TMEM45B: variants seen among roughly 807,000 people sequenced by gnomAD.
TMEM45B encodes transmembrane protein 45B.
Under a neutral mutation model 27.3 loss-of-function variants are expected in TMEM45B, and 29 were observed. The observed-to-expected ratio is 1.06, with a 90% CI of 0.79 to 1.45. The LOEUF (loss-of-function observed/expected upper bound fraction) is 1.45, where lower values mean the gene tolerates loss of function less well. Ranked by LOEUF, TMEM45B falls within the 40% of genes most tolerant of loss-of-function variation. The probability of loss-of-function intolerance (pLI) is 0.00; values close to 1 mark genes in which losing one functional copy is unlikely to be tolerated. For synonymous variants in TMEM45B, 143 were observed against 134.7 expected (o/e 1.06, Z -0.43); for missense variants, 348 against 343.9 (o/e 1.01, Z -0.09).
intron 2 of TMEM45B, among the ~76,000 whole-genome samples, chr11:129,853,564 A>G (rs1947879057): frequency 6.6e-6 from 1 of 152,220 alleles, no homozygotes; most frequent in South Asian, 2.1e-4. Context: ...AACCTTGCCT[A>G]AATAAAGCTA....
chr11:129,852,991 G>A (rs549735187), intron 2 of TMEM45B: 25 of 192,402 alleles, frequency 1.3e-4, no homozygotes, highest in South Asian at 8.1e-4. Context: ...TTAGGCTCAC[G>A]TACCTTAGTT....
chr11:129,834,453 C>A (rs1438455300), intron 1 of TMEM45B, among the ~76,000 whole-genome samples: 2 of 148,710 alleles, frequency 1.3e-5, no homozygotes, highest in Non-Finnish European at 3.0e-5. Context: ...AAAACAGCAA[C>A]AGAAATGTGG....
chr11:129,839,050 C>G (rs577002757), intron 1 of TMEM45B, among the ~76,000 whole-genome samples: 43 of 152,306 alleles, frequency 2.8e-4, no homozygotes, highest in Admixed American at 2.3e-3. Context: ...TTCTCCCTTA[C>G]TCTTGCCTCC....
chr11:129,857,051 A>G (rs1453200034), intron 4 of TMEM45B, among the ~76,000 whole-genome samples: 1 of 151,996 alleles, frequency 6.6e-6, no homozygotes, highest in Non-Finnish European at 1.5e-5. Context: ...ACAGGGTTTC[A>G]CTATGTTGGT....
At chr11:129,845,479 A>G (rs1947749303) in intron 1 of TMEM45B, among the ~76,000 whole-genome samples, 1 of 152,166 alleles carries the variant, frequency 6.6e-6, no homozygotes, top group African/African-American at 2.4e-5. Context: ...TTCAAGATGC[A>G]TACTATAATC....
chr11:129,850,149 GTTTTTT>G (rs775617921), intron 1 of TMEM45B, among the ~76,000 whole-genome samples: 1 of 142,460 alleles, frequency 7.0e-6, no homozygotes, highest in African/African-American at 2.6e-5. Flanking sequence ...CTTTTCTCAC[GTTTTTT>G]TTTTTGTTGA....
chr11:129,847,917 G>A (rs1354294624), intron 1 of TMEM45B, among the ~76,000 whole-genome samples: 1 of 124,580 alleles, frequency 8.0e-6, no homozygotes, highest in Non-Finnish European at 1.8e-5. Flanking sequence ...CCCAGATGGG[G>A]TGGTGGTGGC....
chr11:129,828,361 C>G (rs1947511172), intron 1 of TMEM45B: 1 of 152,206 alleles, frequency 6.6e-6, no homozygotes, highest in Non-Finnish European at 1.5e-5. Flanking sequence ...GTGCTGTTCC[C>G]AAGAACCTCC....
At chr11:129,827,738 G>T (rs1489490776) in intron 1 of TMEM45B, among the ~76,000 whole-genome samples, 2 of 152,116 alleles carry the variant, frequency 1.3e-5, no homozygotes, top group South Asian at 2.1e-4. Context: ...GGAGGCGGAG[G>T]TTGCCATGAG....
intron 1 of TMEM45B, among the ~76,000 whole-genome samples, chr11:129,834,897 T>C (rs770289492): frequency 1.3e-5 from 2 of 151,782 alleles, no homozygotes; most frequent in Non-Finnish European, 2.9e-5. Flanking sequence ...GGCTGAAATA[T>C]GAATGTTAAA....
rs1947967482 is a variant in TMEM45B, at chr11:129,858,760, C to T, written c.*75C>T. 1 of 1,073,268 alleles carries T rather than the reference C, an allele frequency of 9.3e-7. No individual in the cohort carries two copies. Among genetic ancestry groups the T allele is most frequent in the Non-Finnish European group, 1.4e-6 (1 of 729,392 alleles). 66.5% of individuals were successfully genotyped at this position (1,073,268 alleles called of 1,614,324 possible). A position where few individuals can be genotyped will look rare whatever the true frequency, so the allele number is the denominator to read the frequency against. On this transcript the variant is annotated 3_prime_UTR_variant, in exon 6 of 6. Transcript: ENST00000281441. ...GAGTTCATCCCCTCCACCTGAATGC[C>T]TGCTGTGGTCTGATCTTAAGGGTCT...
chr11:129,827,981 A>T (rs1947505986), intron 1 of TMEM45B, among the ~76,000 whole-genome samples: 1 of 151,692 alleles, frequency 6.6e-6, no homozygotes, highest in African/African-American at 2.4e-5. Flanking sequence ...AAAAAAAGAA[A>T]CAAAAAAGTA....
Position 129,855,886 on chromosome 11 carries a change from C to T in TMEM45B, c.564C>T (p.Phe188=). Residue 188 remains phenylalanine, a synonymous_variant, in exon 4 of 6, where the codon TTC becomes TTT. Transcript: ENST00000281441. ...TSLIILQGTW[F]WQIGFVLFPP... is the part of the protein sequence containing the mutation. ...TCATCATTCTTCAGGGAACCTGGTT[C>T]TGGCAGGTGATTTTCCACACCCAGG... 6.2e-7 allele frequency: 1 copy of T among 1,614,098 alleles called. No homozygotes were observed. The highest frequency in any genetic ancestry group is 8.5e-7 in the Non-Finnish European group (1 of 1,179,988).
intron 1 of TMEM45B, among the ~76,000 whole-genome samples, 191 bp from the exon 2 acceptor site, chr11:129,852,284 T>G (rs1051560396): frequency 6.6e-6 from 1 of 152,220 alleles, no homozygotes; most frequent in Non-Finnish European, 1.5e-5. Context: ...TGGAGTCCAG[T>G]TGGTTATGCA....
intron 1 of TMEM45B, chr11:129,828,241 A>G (rs1311732338): frequency 6.6e-6 from 1 of 152,226 alleles, no homozygotes; most frequent in African/African-American, 2.4e-5. Flanking sequence ...CAGGAACCAA[A>G]ACGAGCTGGG....
chr11:129,851,342 G>T (rs918728710), intron 1 of TMEM45B, among the ~76,000 whole-genome samples: 1 of 151,576 alleles, frequency 6.6e-6, no homozygotes, highest in South Asian at 2.1e-4. Flanking sequence ...TCAGGAGTTC[G>T]AGAAAAGCCT....
intron 1 of TMEM45B, among the ~76,000 whole-genome samples, chr11:129,835,014 CTCATGTT>C (rs1297840832): frequency 1.3e-5 from 2 of 152,142 alleles, no homozygotes; most frequent in African/African-American, 2.4e-5. Context: ...GAATTGGATT[CTCATGTT>C]TCATGGAAAG....
At chr11:129,830,023 C>T (rs574392159) in intron 1 of TMEM45B, among the ~76,000 whole-genome samples, 1 of 152,204 alleles carries the variant, frequency 6.6e-6, no homozygotes, top group Non-Finnish European at 1.5e-5. Flanking sequence ...ACACCATATA[C>T]AAAAGTTAAG....
At chr11:129,847,407 AT>A (rs5795680) in intron 1 of TMEM45B, among the ~76,000 whole-genome samples, 21 of 67,934 alleles carry the variant, frequency 3.1e-4, no homozygotes, top group African/African-American at 9.3e-4. Flanking sequence ...TTATGAAGTT[AT>A]TTTTTTTTAT....
Sources: allele counts gnomAD v4.1 joint callset (sites outside exome capture counted in the v4.1 genomes callset), GRCh38; gene constraint gnomAD v4.1.1; transcripts MANE v1.5; gene names NCBI Gene and HGNC (gene_info 2026-07-23, HGNC 2026-07-21).